The following MBOAT1 variants were observed in gnomAD, a reference collection of about 807,000 sequenced individuals.
The protein encoded by MBOAT1 is membrane-bound glycerophospholipid O-acyltransferase 1.
MBOAT1 carries 67 observed loss-of-function variants against 64.4 expected under a neutral mutation model. That is an observed-to-expected ratio of 1.04 (90% CI 0.85 to 1.27). The LOEUF (loss-of-function observed/expected upper bound fraction) is 1.27. MBOAT1 is among the 50% of genes most tolerant of loss of function. The pLI is 0.00. For missense variants in MBOAT1, 563 were observed against 604.6 expected, an observed-to-expected ratio of 0.93 and a Z score of 0.72; for synonymous variants, 229 against 218.9, an observed-to-expected ratio of 1.05 and a Z score of -0.41.
intron 1 of MBOAT1, among the ~76,000 whole-genome samples, chr6:20,192,437 C>A (rs1762827143): frequency 6.6e-6 from 1 of 152,176 alleles, no homozygotes; most frequent in African/African-American, 2.4e-5. Flanking sequence ...CTCCTCACTG[C>A]CCAGGCATCC....
chr6:20,170,205 C>T (rs934005063), intron 1 of MBOAT1, among the ~76,000 whole-genome samples: 8 of 152,188 alleles, frequency 5.3e-5, no homozygotes, highest in Non-Finnish European at 8.8e-5. Flanking sequence ...GCCAAGGTAA[C>T]GTTTCTCGCT....
chr6:20,148,417 C>G (rs1761390879), intron 3 of MBOAT1, among the ~76,000 whole-genome samples: 1 of 151,716 alleles, frequency 6.6e-6, no homozygotes, highest in Non-Finnish European at 1.5e-5. Context: ...GGTTCCATCT[C>G]AAAAAACAAA....
At chr6:20,135,423 G>C (rs57020259) in intron 4 of MBOAT1, among the ~76,000 whole-genome samples, 1 of 152,096 alleles carries the variant, frequency 6.6e-6, no homozygotes, top group Non-Finnish European at 1.5e-5. Context: ...TTCATCAGAT[G>C]TGGTACCCAT....
chr6:20,129,260 TG>T (rs1178881838), intron 5 of MBOAT1, among the ~76,000 whole-genome samples: 1 of 152,042 alleles, frequency 6.6e-6, no homozygotes, highest in African/African-American at 2.4e-5. Flanking sequence ...AAAAATAAAA[TG>T]GGGGAAATGT....
Position 20,131,175 on chromosome 6 carries a change from C to T in MBOAT1, c.444G>A (p.Lys148=). The stretch of plus-strand genomic sequence containing the variant: ...GAACCTGGAATGCCAAGGTTGTGAT[C>T]TTCTGAGTGACAATCATCAGAGGCC... ...FSGPLMIVTQ[K]ITTLAFQVHD... Residue 148 remains lysine (K), a synonymous_variant, in exon 5 of 13, where the codon AAG becomes AAA. Transcript: ENST00000324607. The T allele has an allele frequency of 2.5e-6, 4 of 1,613,990 alleles. No homozygotes were observed. The South Asian group carries it at 3.3e-5, about 13-fold the overall frequency.
intron 1 of MBOAT1, among the ~76,000 whole-genome samples, chr6:20,188,349 T>C (rs2113752322): frequency 6.6e-6 from 1 of 152,268 alleles, no homozygotes; most frequent in Non-Finnish European, 1.5e-5. Context: ...ACTTACACCC[T>C]AGAAAATCCT....
At chr6:20,108,745 C>T (rs1415808397) in intron 12 of MBOAT1, among the ~76,000 whole-genome samples, 1 of 152,232 alleles carries the variant, frequency 6.6e-6, no homozygotes, top group Non-Finnish European at 1.5e-5. Flanking sequence ...TTATTGAGTA[C>T]AGACTATATG....
intron 6 of MBOAT1, among the ~76,000 whole-genome samples, chr6:20,128,329 C>G (rs1760720101): frequency 6.6e-6 from 1 of 152,090 alleles, no homozygotes; most frequent in Admixed American, 6.5e-5. Flanking sequence ...ATTCACTATT[C>G]TTTAGGACCC....
In MBOAT1 at chr6:20,110,565, A is replaced by T. The variant is rs146319565; in HGVS notation, c.1210-816T>A. Among the ~76,000 whole-genome samples the T allele has an allele frequency of 5.1e-3, 771 of 151,982 alleles. 38 individuals carry two copies. Among genetic ancestry groups the T allele is most frequent in the Admixed American group, 0.046 (699 of 15,274 alleles). On this transcript the variant is annotated intron_variant, in intron 11 of 12. Coordinates refer to ENST00000324607, the MANE Select transcript of MBOAT1 (RefSeq NM_001080480.3). ...AATAATAATAATATGTGTTCACTGT[A>T]GAAAAATGGTCAAACAACTAAGCAA... is the stretch of plus-strand genomic sequence containing the variant.
chr6:20,105,122 C>T (rs1215310244), intron 12 of MBOAT1, among the ~76,000 whole-genome samples: 1 of 152,216 alleles, frequency 6.6e-6, no homozygotes, highest in Non-Finnish European at 1.5e-5. Context: ...ACACCCTGGC[C>T]ATAGGTAACT....
chr6:20,203,628 T>C (rs994404650), intron 1 of MBOAT1, among the ~76,000 whole-genome samples: 1 of 152,188 alleles, frequency 6.6e-6, no homozygotes, highest in Non-Finnish European at 1.5e-5. Context: ...TACTTTGTGC[T>C]AACCATACAA....
chr6:20,120,641 C>A (rs1760469223), intron 8 of MBOAT1, among the ~76,000 whole-genome samples: 1 of 148,770 alleles, frequency 6.7e-6, no homozygotes, highest in Non-Finnish European at 1.5e-5. Context: ...TGCACACCAG[C>A]TGGGCAACAA....
chr6:20,139,020 C>T (rs899561075), intron 4 of MBOAT1, among the ~76,000 whole-genome samples: 2 of 152,300 alleles, frequency 1.3e-5, no homozygotes, highest in African/African-American at 2.4e-5. Flanking sequence ...TCCCTGTATG[C>T]ATGTGTGTGA....
intron 1 of MBOAT1, among the ~76,000 whole-genome samples, chr6:20,196,183 G>T (rs1762950181): frequency 6.6e-6 from 1 of 152,318 alleles, no homozygotes; most frequent in East Asian, 1.9e-4. Flanking sequence ...CAATTTAAGT[G>T]AGCCTGGATT....
intron 1 of MBOAT1, among the ~76,000 whole-genome samples, chr6:20,188,389 C>T (rs1762713929): frequency 1.3e-5 from 2 of 152,094 alleles, no homozygotes; most frequent in South Asian, 4.2e-4. Context: ...CAGCACATTC[C>T]AGGTAGTTCT....
intron 11 of MBOAT1, among the ~76,000 whole-genome samples, chr6:20,111,356 G>C (rs995129333): frequency 3.3e-5 from 5 of 152,168 alleles, no homozygotes; most frequent in African/African-American, 1.2e-4. Flanking sequence ...ATCAAGCAAT[G>C]CTGCACATCA....
At chr6:20,155,495 C>T (rs952799990) in intron 1 of MBOAT1, among the ~76,000 whole-genome samples, 5 of 152,184 alleles carry the variant, frequency 3.3e-5, no homozygotes, top group Non-Finnish European at 7.3e-5. Context: ...GCTTCGATTC[C>T]TTTATTTCTA....
At position 20,152,717 on chromosome 6, in the gene MBOAT1, C is replaced by G. The variant is rs756580004; in HGVS notation, c.152G>C (p.Arg51Pro). 3 of 1,612,082 alleles carry G rather than the reference C, an allele frequency of 1.9e-6. No homozygotes were observed. Among genetic ancestry groups the G allele is most frequent in the Non-Finnish European group, 2.5e-6 (3 of 1,178,696 alleles). The change falls in exon 2 of 13, where the codon CGC becomes CCC. Residue 51 changes from arginine (R) to proline (P), a missense_variant. Arg to Pro is a moderately radical substitution (Grantham distance 103). Coordinates refer to ENST00000324607, the MANE Select transcript of MBOAT1 (RefSeq NM_001080480.3). Reference sequence around the variant, plus strand: ...GGTTGTACCAGGACGTAAGTAGATGCGAAACCAGAAAGCAGCAAACAGAGC... The same window carrying G: ...GGTTGTACCAGGACGTAAGTAGATGGGAAACCAGAAAGCAGCAAACAGAGC... ...LVALFAAFWF[R>P]IYLRPGTTSS...
intron 4 of MBOAT1, among the ~76,000 whole-genome samples, chr6:20,138,375 T>C (rs1761065891): frequency 6.6e-6 from 1 of 152,152 alleles, no homozygotes; most frequent in Non-Finnish European, 1.5e-5. Flanking sequence ...ATCAGAGATT[T>C]CTTACTACGA....
Sources: allele counts gnomAD v4.1 joint callset (sites outside exome capture counted in the v4.1 genomes callset), GRCh38; gene constraint gnomAD v4.1.1; transcripts MANE v1.5; gene names NCBI Gene and HGNC (gene_info 2026-07-23, HGNC 2026-07-21).